Variants in RBPMS observed in about 807,000 individuals in gnomAD.
RBPMS encodes RNA-binding protein with multiple splicing.
Under a neutral mutation model 26.8 loss-of-function variants are expected in RBPMS, and 7 were observed. That is an observed-to-expected ratio of 0.26 (90% CI 0.15 to 0.49). The LOEUF (loss-of-function observed/expected upper bound fraction) is 0.49. Ranked by LOEUF, RBPMS falls within the 20% of genes least tolerant of loss-of-function variation. The pLI, the probability that RBPMS is intolerant of heterozygous loss-of-function variation, is 0.98. For synonymous variants in RBPMS, 96 were observed against 93.3 expected (o/e 1.03, Z -0.17); for missense variants, 186 against 250.0 (o/e 0.74, Z 1.73).
chr8:30,482,750 CCTTT>C (rs1361556959), intron 4 of RBPMS, among the ~76,000 whole-genome samples: 2 of 152,184 alleles, frequency 1.3e-5, no homozygotes, highest in Non-Finnish European at 2.9e-5. Context: ...AAAAACCCCT[CCTTT>C]CTTTAACCTG....
intron 1 of RBPMS, among the ~76,000 whole-genome samples, chr8:30,463,218 A>G (rs931013853): frequency 6.6e-6 from 1 of 152,224 alleles, no homozygotes; most frequent in Admixed American, 6.5e-5. Flanking sequence ...CATGTAGTTA[A>G]CTCATTTAAT....
At chr8:30,459,483 T>C (rs1413091551) in intron 1 of RBPMS, among the ~76,000 whole-genome samples, 2 of 152,280 alleles carry the variant, frequency 1.3e-5, no homozygotes, top group East Asian at 3.9e-4. Flanking sequence ...AATATAAATA[T>C]GTGGTGAAAA....
chr8:30,497,427 C>G (rs951834980), intron 4 of RBPMS, among the ~76,000 whole-genome samples: 1 of 151,992 alleles, frequency 6.6e-6, no homozygotes, highest in African/African-American at 2.4e-5. Flanking sequence ...ACCTATAATC[C>G]CAGCTACTCG....
intron 1 of RBPMS, among the ~76,000 whole-genome samples, chr8:30,463,242 A>G (rs1312406753): frequency 1.3e-5 from 2 of 152,216 alleles, no homozygotes; most frequent in Admixed American, 6.5e-5. Context: ...TGCAAAAACT[A>G]TGTAGCAAAT....
chr8:30,441,122 T>C (rs1387674412), intron 1 of RBPMS, among the ~76,000 whole-genome samples: 1 of 152,192 alleles, frequency 6.6e-6, no homozygotes, highest in East Asian at 1.9e-4. Context: ...CTGGACTATT[T>C]TGAGTTTTGA....
At chr8:30,523,018 C>T (rs556908897) in intron 5 of RBPMS, among the ~76,000 whole-genome samples, 25 of 152,124 alleles carry the variant, frequency 1.6e-4, no homozygotes, top group Non-Finnish European at 3.4e-4. Flanking sequence ...ATTCTGTTCT[C>T]TGTTTTCCTA....
intron 6 of RBPMS, chr8:30,555,870 T>C: frequency 1.0e-6 from 1 of 985,410 alleles, no homozygotes; most frequent in South Asian, 4.7e-5. Context: ...CCTCTCCTCA[T>C]TACCCCCACA....
intron 1 of RBPMS, among the ~76,000 whole-genome samples, chr8:30,458,895 G>C (rs151242769): frequency 4.7e-4 from 72 of 152,032 alleles, no homozygotes; most frequent in African/African-American, 1.7e-3. Context: ...TGTAAAGATA[G>C]GGTCTCACTT....
At chr8:30,459,501 G>T (rs188723068) in intron 1 of RBPMS, among the ~76,000 whole-genome samples, 15 of 151,946 alleles carry the variant, frequency 9.9e-5, no homozygotes, top group Non-Finnish European at 1.5e-4. Context: ...AAAGTGGCTC[G>T]ATTGACAGGT....
intron 4 of RBPMS, among the ~76,000 whole-genome samples, chr8:30,492,933 G>A (rs1271090756): frequency 1.3e-5 from 2 of 152,082 alleles, no homozygotes; most frequent in Non-Finnish European, 2.9e-5. Flanking sequence ...ACATAATCGG[G>A]AAATCATTTA....
At chr8:30,419,450 A>ATGTGTGTGTGTGTGTGTG (rs71278690) in intron 1 of RBPMS, among the ~76,000 whole-genome samples, 1,965 of 143,202 alleles carry the variant, frequency 0.014, 57 homozygotes, top group African/African-American at 0.048. Flanking sequence ...CATCTCAAAA[A>ATGTGTGTGTGTGTGTGTG]TGTGTGTGTG....
chr8:30,529,917 C>T (rs1824028399), intron 5 of RBPMS, among the ~76,000 whole-genome samples: 1 of 151,922 alleles, frequency 6.6e-6, no homozygotes, highest in Non-Finnish European at 1.5e-5. Context: ...CCACGCCTGG[C>T]CAATTTTGTA....
At chr8:30,523,663 C>T (rs1823286684) in intron 5 of RBPMS, among the ~76,000 whole-genome samples, 1 of 151,376 alleles carries the variant, frequency 6.6e-6, no homozygotes, top group Non-Finnish European at 1.5e-5. Flanking sequence ...GATGCTTTTT[C>T]TTTTCTTGAT....
intron 4 of RBPMS, among the ~76,000 whole-genome samples, chr8:30,499,874 GT>G: frequency 1.1e-3 from 1 of 886 alleles, no homozygotes; most frequent in Admixed American, 0.12. Context: ...GGGAAACTGT[GT>G]GTGTGTGTGT....
At chr8:30,482,591 A>G (rs1818393005) in intron 4 of RBPMS, among the ~76,000 whole-genome samples, 2 of 152,230 alleles carry the variant, frequency 1.3e-5, no homozygotes, top group African/African-American at 4.8e-5. Flanking sequence ...ATTAAGTTGT[A>G]ACAGTGAACT....
At chr8:30,430,048 G>A (rs1340580018) in intron 1 of RBPMS, among the ~76,000 whole-genome samples, 5 of 152,086 alleles carry the variant, frequency 3.3e-5, no homozygotes, top group South Asian at 2.1e-4. Context: ...AAGCCGAGGC[G>A]GGCAGATTGC....
At chr8:30,413,568 C>T (rs17536700) in intron 1 of RBPMS, among the ~76,000 whole-genome samples, 3,654 of 152,164 alleles carry the variant, frequency 0.024, 62 homozygotes, top group Non-Finnish European at 0.036. Flanking sequence ...ATATTTGGTG[C>T]GGTGGGGAGC....
intron 1 of RBPMS, among the ~76,000 whole-genome samples, chr8:30,424,787 C>T (rs959443219): frequency 3.3e-5 from 5 of 152,114 alleles, no homozygotes; most frequent in Admixed American, 6.6e-5. Context: ...AAGCGGTGCT[C>T]AGTGATCAGT....
At chr8:30,556,802 T>G (rs1032873087) in intron 6 of RBPMS, 1 of 985,622 alleles carries the variant, frequency 1.0e-6, no homozygotes, top group Non-Finnish European at 1.2e-6. Context: ...TGGGTAGGTA[T>G]GAGTTCTTTC....
Sources: allele counts gnomAD v4.1 joint callset (sites outside exome capture counted in the v4.1 genomes callset), GRCh38; gene constraint gnomAD v4.1.1; transcripts MANE v1.5; gene names NCBI Gene and HGNC (gene_info 2026-07-23, HGNC 2026-07-21).